Variants in BIRC6 observed in about 807,000 individuals in gnomAD.
The protein encoded by BIRC6 is dual E2 ubiquitin-conjugating enzyme/E3 ubiquitin-protein ligase BIRC6.
A neutral mutation model predicts 503.3 loss-of-function variants in BIRC6; 98 were observed. That is an observed-to-expected ratio of 0.19 (90% CI 0.17 to 0.23). The LOEUF (loss-of-function observed/expected upper bound fraction) is 0.23. BIRC6 is among the 10% of genes least tolerant of loss of function. The pLI is 1.00. For synonymous variants in BIRC6, 2,240 were observed against 2,078.7 expected, an observed-to-expected ratio of 1.08 and a Z score of -2.11; for missense variants, 5,360 against 5,806.0, an observed-to-expected ratio of 0.92 and a Z score of 2.50.
At chr2:32,592,091 A>T (rs1324184592) in intron 66 of BIRC6, among the ~76,000 whole-genome samples, 1 of 152,354 alleles carries the variant, frequency 6.6e-6, no homozygotes, top group East Asian at 1.9e-4. Context: ...AAATTCTCTG[A>T]TATTTCAGTC....
intron 61 of BIRC6, among the ~76,000 whole-genome samples, chr2:32,535,558 GGTT>G (rs2057160752): frequency 6.6e-6 from 1 of 152,096 alleles, no homozygotes. Context: ...TGCAGTGTTT[GGTT>G]TTTTCGTCCT....
intron 23 of BIRC6, among the ~76,000 whole-genome samples, chr2:32,455,626 C>CAAAAAG (rs1348467227): frequency 9.2e-5 from 14 of 151,748 alleles, no homozygotes; most frequent in Admixed American, 9.2e-4. Context: ...GACTCCGTCT[C>CAAAAAG]AAAAAGAAAA....
At chr2:32,529,413 T>G (rs2056553420) in intron 59 of BIRC6, 3 of 374,746 alleles carry the variant, frequency 8.0e-6, no homozygotes, top group Non-Finnish European at 1.4e-5. Flanking sequence ...GTCTGTTCCT[T>G]TGTTTACGTT....
chr2:32,392,123 C>T lies in BIRC6; in HGVS notation c.924C>T (p.Pro308=), dbSNP rs747813818. The change falls in exon 5 of 74, where the codon CCC becomes CCT. Residue 308 remains proline, a synonymous_variant. Transcript: ENST00000421745. The stretch of plus-strand genomic sequence containing the variant: ...GCTATAGGTGGGCACAACCAGATCC[C>T]ATGGCTCAAGCTGGATTTTATCATC... ...HVGYRWAQPD[P]MAQAGFYHQP... The T allele has an allele frequency of 6.3e-7, 1 of 1,592,236 alleles. No individual in the cohort carries two copies. The highest frequency in any genetic ancestry group is 8.6e-7 in the Non-Finnish European group (1 of 1,168,168).
intron 44 of BIRC6, among the ~76,000 whole-genome samples, chr2:32,493,008 G>A (rs2051939808): frequency 6.7e-6 from 1 of 149,468 alleles, no homozygotes; most frequent in South Asian, 2.1e-4. Context: ...TGAATTAGAA[G>A]TTTGGGAAAG....
chr2:32,580,107 C>T (rs2060569597), intron 66 of BIRC6, among the ~76,000 whole-genome samples: 1 of 152,012 alleles, frequency 6.6e-6, no homozygotes, highest in African/African-American at 2.4e-5. Flanking sequence ...GCGTGTGTCA[C>T]CACGCCCAGC....
At chr2:32,416,214 C>T (rs565577673) in intron 10 of BIRC6, 51 bp downstream of exon 10, 2 of 1,487,090 alleles carry the variant, frequency 1.3e-6, no homozygotes, top group East Asian at 2.3e-5. Context: ...GTATATATGG[C>T]ATTTGTTTAT....
At chr2:32,475,033 C>T (rs556295869) in intron 33 of BIRC6, among the ~76,000 whole-genome samples, 12 of 151,444 alleles carry the variant, frequency 7.9e-5, no homozygotes, top group South Asian at 2.1e-4. Context: ...AATGTGGTGG[C>T]GTGTGCCTGT....
At chr2:32,375,174 T>C (rs1315417339) in intron 1 of BIRC6, among the ~76,000 whole-genome samples, 1 of 152,038 alleles carries the variant, frequency 6.6e-6, no homozygotes, top group East Asian at 1.9e-4. Flanking sequence ...TATGATTGAT[T>C]TTTATCTACA....
intron 1 of BIRC6, 86 bp from the exon 2 acceptor site, chr2:32,377,502 T>G: frequency 9.3e-7 from 1 of 1,080,466 alleles, no homozygotes; most frequent in Non-Finnish European, 1.3e-6. Flanking sequence ...GGATAATATA[T>G]TGTGTTTAGT....
chr2:32,369,967 T>TATAG (rs1246063049), intron 1 of BIRC6, among the ~76,000 whole-genome samples: 2 of 60,536 alleles, frequency 3.3e-5, no homozygotes, highest in Admixed American at 4.8e-4. Flanking sequence ...TATATATATA[T>TATAG]ATATATATAT....
chr2:32,430,830 C>CAA, intron 11 of BIRC6, 35 bp from the exon 12 acceptor site: 9 of 537,398 alleles, frequency 1.7e-5, no homozygotes, highest in Non-Finnish European at 3.0e-5. Flanking sequence ...TTTTTTTCCA[C>CAA]ACCTATTTCA....
intron 21 of BIRC6, among the ~76,000 whole-genome samples, chr2:32,447,610 C>G (rs1451600798): frequency 9.4e-6 from 1 of 106,248 alleles, no homozygotes; most frequent in African/African-American, 3.7e-5. Context: ...GGGGGCTGAT[C>G]CCCCCACCTC....
chr2:32,504,899 A>T, intron 49 of BIRC6, 106 bp from the exon 50 acceptor site: 1 of 1,024,460 alleles, frequency 9.8e-7, no homozygotes, highest in Non-Finnish European at 1.4e-6. Context: ...TCAATTGTTC[A>T]TGTTTTCAAT....
At chr2:32,442,593 G>A in intron 19 of BIRC6, 138 bp downstream of exon 19, 5 of 1,089,170 alleles carry the variant, frequency 4.6e-6, no homozygotes, top group Non-Finnish European at 6.2e-6. Context: ...GATGAAGATT[G>A]TTGATAATCT....
At chr2:32,437,564 C>G (rs1019557367) in intron 15 of BIRC6, among the ~76,000 whole-genome samples, 1 of 152,176 alleles carries the variant, frequency 6.6e-6, no homozygotes, top group Non-Finnish European at 1.5e-5. Flanking sequence ...TATCCCTTAT[C>G]TGAAATGCTT....
intron 10 of BIRC6, among the ~76,000 whole-genome samples, chr2:32,420,561 TGG>T (rs2042826491): frequency 6.6e-6 from 1 of 152,196 alleles, no homozygotes; most frequent in Non-Finnish European, 1.5e-5. Flanking sequence ...TCACCCAGGC[TGG>T]AGTGCAGTGG....
chr2:32,441,099 T>A (rs555422576), intron 16 of BIRC6, among the ~76,000 whole-genome samples: 77 of 152,248 alleles, frequency 5.1e-4, no homozygotes, highest in African/African-American at 1.8e-3. Flanking sequence ...TCTGTAATCA[T>A]TGGGTTATTG....
chr2:32,562,823 G>T (rs571447679), intron 65 of BIRC6, among the ~76,000 whole-genome samples: 1 of 152,192 alleles, frequency 6.6e-6, no homozygotes, highest in East Asian at 1.9e-4. Flanking sequence ...ACATGTAAGT[G>T]TTTATTCATT....
Sources: gnomAD v4.1 joint callset for allele counts (sites outside exome capture counted in the v4.1 genomes callset) on GRCh38, gnomAD v4.1.1 for gene constraint, MANE v1.5 for transcripts, NCBI Gene and HGNC (gene_info 2026-07-23, HGNC 2026-07-21) for gene names.